Variants in CREBL2 observed in about 807,000 individuals in gnomAD.
CREBL2 encodes the protein cAMP-responsive element-binding protein-like 2.
Under a neutral mutation model 19.5 loss-of-function variants are expected in CREBL2, and 4 were observed. The observed-to-expected ratio is 0.20, with a 90% CI of 0.10 to 0.47. The LOEUF is 0.47. Ranked by LOEUF, CREBL2 falls within the 20% of genes least tolerant of loss-of-function variation. The probability of loss-of-function intolerance (pLI) is 0.98; values close to 1 mark genes in which losing one functional copy is unlikely to be tolerated. For synonymous variants in CREBL2, 42 were observed against 46.6 expected (o/e 0.90, Z 0.40); for missense variants, 85 against 145.1 (o/e 0.59, Z 2.13).
At chr12:12,626,184 TAAG>T (rs1326869010) in intron 1 of CREBL2, among the ~76,000 whole-genome samples, 1 of 145,220 alleles carries the variant, frequency 6.9e-6, no homozygotes, top group Non-Finnish European at 1.5e-5. Context: ...TTCCTCATTT[TAAG>T]AAGCCCCAGT....
rs568486066 is a variant in CREBL2, at chr12:12,617,789, T to C, written c.15+5602T>C. On this transcript the variant is annotated intron_variant, in intron 1 of 3. Transcript: ENST00000228865. Reference sequence around the variant, plus strand: ...AGATAAACATGTGAACAAGGGTCTCTGGTTTTTCTAGGCAGAGGACCCTGC... The same window carrying C: ...AGATAAACATGTGAACAAGGGTCTCCGGTTTTTCTAGGCAGAGGACCCTGC... 3.1e-3 allele frequency among the ~76,000 whole-genome samples: 465 copies of C among 151,510 alleles called. 1 individual carries two copies. Among genetic ancestry groups the C allele is most frequent in the Non-Finnish European group, 2.9e-3 (196 of 67,902 alleles).
chr12:12,622,732 T>G (rs1945369299), intron 1 of CREBL2, among the ~76,000 whole-genome samples: 1 of 152,236 alleles, frequency 6.6e-6, no homozygotes, highest in Non-Finnish European at 1.5e-5. Context: ...AAGGAAGTTA[T>G]GGGAGCCTTA....
intron 1 of CREBL2, among the ~76,000 whole-genome samples, chr12:12,632,068 CTTTTTTTTTTT>C (rs869253910): frequency 5.0e-5 from 4 of 80,598 alleles, no homozygotes; most frequent in African/African-American, 1.0e-4. Flanking sequence ...CTATGCCTTT[CTTTTTTTTTTT>C]TTTTTTTTTT....
At chr12:12,612,928 A>G (rs578211627) in intron 1 of CREBL2, among the ~76,000 whole-genome samples, 1 of 152,160 alleles carries the variant, frequency 6.6e-6, no homozygotes, top group East Asian at 1.9e-4. Context: ...CTGGAGTGCA[A>G]TGGCGCGATC....
chr12:12,631,962 C>T (rs1945445152), intron 1 of CREBL2, among the ~76,000 whole-genome samples: 1 of 150,042 alleles, frequency 6.7e-6, no homozygotes, highest in African/African-American at 2.5e-5. Context: ...TGGTTTATTA[C>T]TGAGAAAAAG....
intron 1 of CREBL2, among the ~76,000 whole-genome samples, chr12:12,612,954 C>T (rs1945279845): frequency 6.6e-6 from 1 of 152,176 alleles, no homozygotes; most frequent in Admixed American, 6.5e-5. Flanking sequence ...TCACCACAAC[C>T]TCCGCCTCCC....
chr12:12,641,250 A>ATTTTTTTTTTT lies in CREBL2; in HGVS notation c.359-742_359-741insTTTTTTTTTTT, dbSNP rs1248375488. Among the ~76,000 whole-genome samples, 572 of 57,738 alleles carry ATTTTTTTTTTT rather than the reference A, an allele frequency of 9.9e-3. 66 individuals carry two copies. Among genetic ancestry groups the ATTTTTTTTTTT allele is most frequent in the Middle Eastern group, 0.021 (2 of 96 alleles). The allele number at this position is 57,738 out of a possible 152,430, so 37.9% of individuals were successfully genotyped here. On this transcript the variant is annotated intron_variant, in intron 3 of 3. Transcript: ENST00000228865. ...CTTTATTATTATTATTATTATTATT[A>ATTTTTTTTTTT]TTATTTTTTTTTATTTTTTTTTTTT...
In CREBL2 at chr12:12,643,939, G is replaced by C. The variant is rs1432293125; in HGVS notation, c.*1941G>C. 1 of 152,560 alleles carries C rather than the reference G, an allele frequency of 6.6e-6. No homozygotes were observed. The highest frequency in any genetic ancestry group is 1.5e-5 in the Non-Finnish European group (1 of 68,008). 9.5% of individuals were successfully genotyped at this position (152,560 alleles called of 1,614,324 possible). ...CAAAACAACCCAAAACTTACTTTAT[G>C]TTGCTTTGTTCAGTACCTTTTGAAT... is the stretch of plus-strand genomic sequence containing the variant. On this transcript the variant is annotated 3_prime_UTR_variant, in exon 4 of 4. Transcript: ENST00000228865.
chr12:12,633,495 C>A (rs1251646086), intron 1 of CREBL2, among the ~76,000 whole-genome samples: 1 of 152,058 alleles, frequency 6.6e-6, no homozygotes, highest in Non-Finnish European at 1.5e-5. Flanking sequence ...CTTTAAAAGA[C>A]CAGGTTTTGA....
chr12:12,637,130 T>C (rs190302485), intron 2 of CREBL2, among the ~76,000 whole-genome samples: 283 of 152,270 alleles, frequency 1.9e-3, no homozygotes, highest in African/African-American at 6.5e-3. Flanking sequence ...GCATGCACTC[T>C]GGTAGATAGT....
rs1945359220 is a variant in CREBL2 at position 12,621,491 on chromosome 12, C to G, written c.15+9304C>G. On this transcript the variant is annotated intron_variant, in intron 1 of 3. Coordinates refer to ENST00000228865, the MANE Select transcript of CREBL2 (RefSeq NM_001310.4). The stretch of plus-strand genomic sequence containing the variant: ...TGAGATCACACCATTGCACTCCAGC[C>G]TGGGCAACAAGAGCAAAACTCCGTC... 5.5e-5 allele frequency among the ~76,000 whole-genome samples: 8 copies of G among 144,426 alleles called. 1 individual carries two copies. In the South Asian group the frequency reaches 1.8e-3, roughly 32 times the overall value. 94.7% of individuals were successfully genotyped at this position (144,426 alleles called of 152,430 possible). A position where few individuals can be genotyped will look rare whatever the true frequency, so the allele number is the denominator to read the frequency against.
At chr12:12,619,933 C>G (rs1055737821) in intron 1 of CREBL2, among the ~76,000 whole-genome samples, 3 of 152,162 alleles carry the variant, frequency 2.0e-5, no homozygotes, top group Non-Finnish European at 2.9e-5. Context: ...CCTTTTAACC[C>G]TCTCCCTCTG....
At position 12,644,020 on chromosome 12, in the gene CREBL2, A is replaced by G. The variant is rs887103897; in HGVS notation, c.*2022A>G. 2 of 152,654 alleles carry G rather than the reference A, an allele frequency of 1.3e-5. No individual in the cohort carries two copies. The highest frequency in any genetic ancestry group is 2.4e-5 in the African/African-American group (1 of 41,454). 9.5% of individuals were successfully genotyped at this position (152,654 alleles called of 1,614,324 possible). On this transcript the variant is annotated 3_prime_UTR_variant, in exon 4 of 4. Coordinates refer to ENST00000228865, the MANE Select transcript of CREBL2 (RefSeq NM_001310.4). Reference sequence around the variant, plus strand: ...ATTCCAGAATGAATGTCGCTCTTCAATGGAACGTCTTTATTGTGCTTGAAG... The same window carrying G: ...ATTCCAGAATGAATGTCGCTCTTCAGTGGAACGTCTTTATTGTGCTTGAAG...
At chr12:12,620,327 T>C (rs967402029) in intron 1 of CREBL2, among the ~76,000 whole-genome samples, 1 of 151,896 alleles carries the variant, frequency 6.6e-6, no homozygotes, top group Admixed American at 6.6e-5. Flanking sequence ...TCCACCTCCC[T>C]GGCTCAAGCG....
chr12:12,641,244 A>C (rs1211806068), intron 3 of CREBL2, among the ~76,000 whole-genome samples: 2 of 15,604 alleles, frequency 1.3e-4, no homozygotes, highest in East Asian at 4.8e-3. Flanking sequence ...TATTATTATT[A>C]TTATTATTAT....
chr12:12,641,255 T>TA (rs1482770108), intron 3 of CREBL2, among the ~76,000 whole-genome samples: 3,847 of 93,312 alleles, frequency 0.041, 134 homozygotes, highest in African/African-American at 0.076. Flanking sequence ...TTATTATTAT[T>TA]TTTTTTTATT....
At chr12:12,636,001 A>G in intron 2 of CREBL2, 27 bp downstream of exon 2, 1 of 1,585,222 alleles carries the variant, frequency 6.3e-7, no homozygotes. Context: ...AAACACATGA[A>G]AAAATCACCT....
intron 3 of CREBL2, among the ~76,000 whole-genome samples, chr12:12,638,958 T>C (rs1237814551): frequency 2.0e-5 from 3 of 152,212 alleles, no homozygotes; most frequent in African/African-American, 4.8e-5. Context: ...CATTAAGCAG[T>C]TATTCCCCAT....
At position 12,643,516 on chromosome 12, in the gene CREBL2, G is replaced by A. The variant is rs530485804; in HGVS notation, c.*1518G>A. ...AAGAGGAGATACCGTAGTCTAGATT[G>A]TCTTTGAGGTAGAATATATGATGGA... On this transcript the variant is annotated 3_prime_UTR_variant, in exon 4 of 4. Coordinates refer to ENST00000228865, the MANE Select transcript of CREBL2 (RefSeq NM_001310.4). 13 of 152,594 alleles carry A rather than the reference G, an allele frequency of 8.5e-5. No homozygotes were observed. The highest frequency in any genetic ancestry group is 3.1e-4 in the African/African-American group (13 of 41,548). 9.5% of individuals were successfully genotyped at this position (152,594 alleles called of 1,614,324 possible).
Sources: allele counts gnomAD v4.1 joint callset (sites outside exome capture counted in the v4.1 genomes callset), GRCh38; gene constraint gnomAD v4.1.1; transcripts MANE v1.5; gene names NCBI Gene and HGNC (gene_info 2026-07-23, HGNC 2026-07-21).